ATP8B4: variants seen among roughly 807,000 people sequenced by gnomAD.
The protein encoded by ATP8B4 is ATPase phospholipid transporting 8B4 (putative).
ATP8B4 carries 133 observed loss-of-function variants against 145.6 expected under a neutral mutation model. The ratio of observed to expected loss-of-function variants is 0.91; its 90% CI spans 0.79 to 1.05. The LOEUF (loss-of-function observed/expected upper bound fraction) is 1.05, where lower values mean the gene tolerates loss of function less well. ATP8B4 is among the 50% of genes least tolerant of loss of function. ATP8B4 has a pLI of 0.00. For missense variants in ATP8B4, 1,458 were observed against 1,425.2 expected, an observed-to-expected ratio of 1.02 and a Z score of -0.37; for synonymous variants, 507 against 492.9, an observed-to-expected ratio of 1.03 and a Z score of -0.38.
intron 2 of ATP8B4, among the ~76,000 whole-genome samples, chr15:50,088,600 T>G (rs961500270): frequency 6.6e-6 from 1 of 152,148 alleles, no homozygotes; most frequent in Non-Finnish European, 1.5e-5. Context: ...CCTTCCATGG[T>G]TATCCTTTTT....
chr15:49,985,583 C>G (rs1254333917), intron 10 of ATP8B4, among the ~76,000 whole-genome samples: 3 of 152,212 alleles, frequency 2.0e-5, no homozygotes, highest in Non-Finnish European at 4.4e-5. Context: ...AAAGTCAATG[C>G]AGGCATGCTC....
chr15:50,087,591 T>C (rs921087330), intron 2 of ATP8B4, among the ~76,000 whole-genome samples: 4 of 151,766 alleles, frequency 2.6e-5, no homozygotes, highest in Non-Finnish European at 4.4e-5. Context: ...CAGAATAAAA[T>C]GCATTAGAAT....
At chr15:49,894,000 C>G (rs989586518) in intron 23 of ATP8B4, among the ~76,000 whole-genome samples, 4 of 152,092 alleles carry the variant, frequency 2.6e-5, no homozygotes, top group African/African-American at 9.7e-5. Context: ...AGAAGCTGAC[C>G]CCACAGCATT....
At chr15:50,172,781 T>G (rs1375084866) in intron 1 of ATP8B4, among the ~76,000 whole-genome samples, 2 of 150,976 alleles carry the variant, frequency 1.3e-5, no homozygotes, top group Non-Finnish European at 2.9e-5. Context: ...GAAGAGCGCC[T>G]CTGCCCGGCC....
In ATP8B4 at chr15:49,858,758, G is replaced by A. The variant is rs183581542; in HGVS notation, c.*1436C>T. 2 of 152,056 alleles carry A rather than the reference G, an allele frequency of 1.3e-5. No individual in the cohort carries two copies. Among genetic ancestry groups the A allele is most frequent in the Non-Finnish European group, 2.9e-5 (2 of 68,004 alleles). 9.4% of individuals were successfully genotyped at this position (152,056 alleles called of 1,614,324 possible). On this transcript the variant is annotated 3_prime_UTR_variant, in exon 28 of 28. Transcript: ENST00000284509. ...CCCTAACCAGTTTTATATCTTTCTG[G>A]CAATTTCATTTTATCAAAGCCTTCC...
At chr15:50,053,349 CCT>C (rs1325237915) in intron 3 of ATP8B4, among the ~76,000 whole-genome samples, 1 of 152,168 alleles carries the variant, frequency 6.6e-6, no homozygotes, top group Non-Finnish European at 1.5e-5. Flanking sequence ...CAGAGCCCAC[CCT>C]CTTCACCACT....
At chr15:50,154,632 T>C (rs1181402630) in intron 1 of ATP8B4, among the ~76,000 whole-genome samples, 3 of 152,220 alleles carry the variant, frequency 2.0e-5, no homozygotes, top group Non-Finnish European at 4.4e-5. Flanking sequence ...TGTATGAGTA[T>C]CCAAATATAT....
chr15:50,052,819 A>G (rs1466763794), intron 3 of ATP8B4, among the ~76,000 whole-genome samples: 1 of 152,214 alleles, frequency 6.6e-6, no homozygotes, highest in Non-Finnish European at 1.5e-5. Flanking sequence ...CAGAATACAT[A>G]CTAAGAATTT....
rs1389297259 is a variant in ATP8B4 at position 50,073,005 on chromosome 15, TATATATATATATATACACACACACAC to T, written c.87+1096_87+1121del. ...CTATATATATATATATATATATATA[TATATATATATATATACACACACACAC>T]ACACACACACACACACACACACTAT... On this transcript the variant is annotated intron_variant, in intron 3 of 27. Transcript: ENST00000284509. Among the ~76,000 whole-genome samples the T allele has an allele frequency of 3.2e-3, 186 of 57,914 alleles. 9 individuals carry two copies. Among genetic ancestry groups the T allele is most frequent in the African/African-American group, 0.017 (170 of 10,240 alleles). 38.0% of individuals were successfully genotyped at this position (57,914 alleles called of 152,430 possible).
upstream of ATP8B4, chr15:50,119,416 T>C (rs2899455): frequency 0.99 from 150,222 of 152,390 alleles, 74,082 homozygotes; most frequent in East Asian, 1. Flanking sequence ...AGCTTCACTG[T>C]CAGTGAGGAA....
At position 49,859,856 on chromosome 15, in the gene ATP8B4, C is replaced by G. The variant is rs2031305795; in HGVS notation, c.*338G>C. 4.1e-6 allele frequency: 1 copy of G among 243,654 alleles called. No homozygotes were observed. Among genetic ancestry groups the G allele is most frequent in the South Asian group, 9.5e-5 (1 of 10,528 alleles). The allele number at this position is 243,654 out of a possible 1,614,324, so 15.1% of individuals were successfully genotyped here. A position where few individuals can be genotyped will look rare whatever the true frequency, so the allele number is the denominator to read the frequency against. On this transcript the variant is annotated 3_prime_UTR_variant, in exon 28 of 28. Transcript: ENST00000284509. Reference sequence around the variant, plus strand: ...CCTTTTATCCGCCTGAGGATCCATTCAGTGAATATGCAGCTTTACAAGTTT... The same window carrying G: ...CCTTTTATCCGCCTGAGGATCCATTGAGTGAATATGCAGCTTTACAAGTTT...
chr15:49,974,349 C>G (rs1366752175), intron 12 of ATP8B4, among the ~76,000 whole-genome samples: 1 of 151,556 alleles, frequency 6.6e-6, no homozygotes, highest in Non-Finnish European at 1.5e-5. Flanking sequence ...CTCGGCCTCC[C>G]AAAGTCCTGG....
intron 1 of ATP8B4, among the ~76,000 whole-genome samples, chr15:50,175,961 A>G (rs1447352002): frequency 6.6e-6 from 1 of 152,120 alleles, no homozygotes; most frequent in Non-Finnish European, 1.5e-5. Flanking sequence ...ATGCCCATCA[A>G]TCAATGAGTG....
chr15:50,107,085 CTAGACAAA>C (rs2056722500), intron 1 of ATP8B4, 77 bp from the exon 2 acceptor site: 7 of 893,992 alleles, frequency 7.8e-6, no homozygotes, highest in Non-Finnish European at 1.1e-5. Context: ...AACTTTCTTC[CTAGACAAA>C]TCTAGGTAAT....
At chr15:49,885,806 G>T (rs2036116578) in intron 23 of ATP8B4, 1 of 152,172 alleles carries the variant, frequency 6.6e-6, no homozygotes, top group Non-Finnish European at 1.5e-5. Flanking sequence ...TCACTCCCCA[G>T]ATACCTGATG....
At chr15:49,915,957 A>C (rs1462016687) in intron 20 of ATP8B4, among the ~76,000 whole-genome samples, 1 of 151,852 alleles carries the variant, frequency 6.6e-6, no homozygotes, top group Admixed American at 6.6e-5. Flanking sequence ...AGAATAGTTT[A>C]ATGACAGAGA....
intron 1 of ATP8B4, among the ~76,000 whole-genome samples, chr15:50,144,736 T>C (rs2044254796): frequency 6.7e-6 from 1 of 149,236 alleles, no homozygotes; most frequent in South Asian, 2.2e-4. Context: ...GATGACATCA[T>C]TTGCAATTAC....
At chr15:49,945,262 A>T (rs2153481330) in intron 14 of ATP8B4, among the ~76,000 whole-genome samples, 1 of 152,284 alleles carries the variant, frequency 6.6e-6, no homozygotes, top group African/African-American at 2.4e-5. Context: ...GAAACACTAG[A>T]AAAACAGACA....
chr15:50,175,045 A>G (rs1377941246), intron 1 of ATP8B4, among the ~76,000 whole-genome samples: 1 of 152,220 alleles, frequency 6.6e-6, no homozygotes, highest in Non-Finnish European at 1.5e-5. Flanking sequence ...AAAGTGGGGA[A>G]AGGATACCCT....
Sources: allele counts gnomAD v4.1 joint callset (sites outside exome capture counted in the v4.1 genomes callset), GRCh38; gene constraint gnomAD v4.1.1; transcripts MANE v1.5; gene names NCBI Gene and HGNC (gene_info 2026-07-23, HGNC 2026-07-21).